CAMK2B: variants seen among roughly 807,000 people sequenced by gnomAD.
The protein encoded by CAMK2B is calcium/calmodulin-dependent protein kinase type II subunit beta.
In CAMK2B, 27 loss-of-function variants were observed where a neutral mutation model predicts 93.7. The observed-to-expected ratio is 0.29, with a 90% CI of 0.21 to 0.40. CAMK2B has a LOEUF of 0.40. Among genes scored for constraint, CAMK2B ranks in the 10% least tolerant of loss-of-function variants. The probability of loss-of-function intolerance (pLI) is 1.00; values close to 1 mark genes in which losing one functional copy is unlikely to be tolerated. For missense variants in CAMK2B, 568 were observed against 895.8 expected (o/e 0.63, Z 4.67); for synonymous variants, 374 against 358.8 (o/e 1.04, Z -0.48).
chr7:44,301,931 A>C lies in CAMK2B; in HGVS notation c.66-17706T>G, dbSNP rs138010919. 6.8e-4 allele frequency among the ~76,000 whole-genome samples: 103 copies of C among 152,354 alleles called. 1 individual carries two copies. Among genetic ancestry groups the C allele is most frequent in the African/African-American group, 2.3e-3 (96 of 41,590 alleles). ...AAATCAATGAATTGTGCAAACAAGAAACTGATACAGAAAATCAACAAAGCC... is the reference window on the plus strand; with the variant it reads ...AAATCAATGAATTGTGCAAACAAGACACTGATACAGAAAATCAACAAAGCC... On this transcript the variant is annotated intron_variant, in intron 1 of 23. Coordinates refer to ENST00000395749, the MANE Select transcript of CAMK2B (RefSeq NM_001220.5).
chr7:44,243,210 C>T (rs1462055099), intron 8 of CAMK2B, 40 bp downstream of exon 8: 1 of 1,498,962 alleles, frequency 6.7e-7, no homozygotes. Flanking sequence ...TCCTGAAACA[C>T]CCGAGGCCCT....
intron 6 of CAMK2B, among the ~76,000 whole-genome samples, chr7:44,246,575 C>T (rs918280926): frequency 1.3e-5 from 2 of 152,162 alleles, no homozygotes; most frequent in African/African-American, 2.4e-5. Context: ...TCCCCACACA[C>T]GTGCATGCAC....
chr7:44,277,118 CA>C (rs2097054086), intron 2 of CAMK2B, among the ~76,000 whole-genome samples: 1 of 151,542 alleles, frequency 6.6e-6, no homozygotes, highest in Non-Finnish European at 1.5e-5. Flanking sequence ...AAACTGTCCC[CA>C]AAAGAACAGC....
In CAMK2B at chr7:44,254,622, T is replaced by C. The variant is rs2129012338; in HGVS notation, c.276-15A>G. 6.2e-7 allele frequency: 1 copy of C among 1,603,638 alleles called. No individual in the cohort carries two copies. The highest frequency in any genetic ancestry group is 1.4e-5 in the African/African-American group (1 of 74,002). ...CACCAGTGACCCTATGGGAGAAGCA[T>C]GAAGGGGTCACAGATTCTGGAGACC... On this transcript the variant is annotated splice_polypyrimidine_tract_variant and intron_variant, in intron 4 of 23. Coordinates refer to ENST00000395749, the MANE Select transcript of CAMK2B (RefSeq NM_001220.5).
At chr7:44,278,249 C>T (rs926789927) in intron 2 of CAMK2B, among the ~76,000 whole-genome samples, 10 of 152,282 alleles carry the variant, frequency 6.6e-5, no homozygotes, top group African/African-American at 1.4e-4. Context: ...AGGGGTCCTC[C>T]GCAGCAGGAC....
intron 1 of CAMK2B, among the ~76,000 whole-genome samples, chr7:44,306,273 T>C (rs1179971962): frequency 2.0e-5 from 3 of 152,008 alleles, no homozygotes; most frequent in Non-Finnish European, 2.9e-5. Flanking sequence ...CGGTGGGAAG[T>C]TCCCCCTTCC....
intron 2 of CAMK2B, among the ~76,000 whole-genome samples, chr7:44,283,052 G>A (rs1182603855): frequency 6.6e-6 from 1 of 152,172 alleles, no homozygotes; most frequent in Admixed American, 6.5e-5. Flanking sequence ...GCAGTGACAT[G>A]GGGCTGCCAC....
In CAMK2B at chr7:44,311,135, G is replaced by A. The variant is rs562316661; in HGVS notation, c.65+14222C>T. Among the ~76,000 whole-genome samples, 105 of 152,054 alleles carry A rather than the reference G, an allele frequency of 6.9e-4. 2 individuals carry two copies. The highest frequency in any genetic ancestry group is 2.8e-4 in the Non-Finnish European group (19 of 68,026). On this transcript the variant is annotated intron_variant, in intron 1 of 23. Transcript: ENST00000395749. The surrounding 1 kb of genome is among the most constrained non-coding windows in gnomAD (Gnocchi z 4.2). ...ATTGCCCAGGCTGGAGTGCAATGGC[G>A]TGATCTCGGCTCACTGCAACCTCTG...
At chr7:44,305,738 T>C (rs934515249) in intron 1 of CAMK2B, among the ~76,000 whole-genome samples, 5 of 152,156 alleles carry the variant, frequency 3.3e-5, no homozygotes, top group Non-Finnish European at 5.9e-5. Flanking sequence ...GCGAGAGGCC[T>C]TGGGTGCCGT....
At chr7:44,274,446 C>A (rs936743699) in intron 2 of CAMK2B, among the ~76,000 whole-genome samples, 46 of 152,318 alleles carry the variant, frequency 3.0e-4, no homozygotes, top group African/African-American at 1.1e-3. Flanking sequence ...CAACAGAGAC[C>A]AAAGCTCTGC....
chr7:44,274,392 G>A (rs1244775868), intron 2 of CAMK2B, among the ~76,000 whole-genome samples: 1 of 152,176 alleles, frequency 6.6e-6, no homozygotes, highest in African/African-American at 2.4e-5. Flanking sequence ...CTTTGCCCTG[G>A]ATCTCCAGCT....
At chr7:44,310,474 C>T (rs979066805) in intron 1 of CAMK2B, among the ~76,000 whole-genome samples, 1 of 152,140 alleles carries the variant, frequency 6.6e-6, no homozygotes, top group Non-Finnish European at 1.5e-5. Context: ...ATGTCATGCG[C>T]GGTGGGAGGG....
At chr7:44,287,902 C>T (rs2129125573) in intron 1 of CAMK2B, among the ~76,000 whole-genome samples, 1 of 152,366 alleles carries the variant, frequency 6.6e-6, no homozygotes, top group Non-Finnish European at 1.5e-5. Flanking sequence ...ACTCCCCCTT[C>T]CAATGGCTCT....
At chr7:44,249,096 G>C (rs1006293413) in intron 5 of CAMK2B, among the ~76,000 whole-genome samples, 4 of 152,178 alleles carry the variant, frequency 2.6e-5, no homozygotes, top group Non-Finnish European at 4.4e-5. Flanking sequence ...TGTCCCTGAA[G>C]TCAGCCCATG....
intron 1 of CAMK2B, among the ~76,000 whole-genome samples, chr7:44,303,204 C>T (rs1015174775): frequency 1.3e-5 from 2 of 152,056 alleles, no homozygotes; most frequent in African/African-American, 4.8e-5. Context: ...AAAATATGTA[C>T]AAGATCTATA....
At chr7:44,321,330 G>A (rs1796029491) in intron 1 of CAMK2B, among the ~76,000 whole-genome samples, 1 of 152,180 alleles carries the variant, frequency 6.6e-6, no homozygotes, top group Non-Finnish European at 1.5e-5. Flanking sequence ...CACACCCCAG[G>A]ATATAGTCGC....
chr7:44,242,474 C>T (rs2096689612), intron 9 of CAMK2B, 86 bp downstream of exon 9: 1 of 1,502,732 alleles, frequency 6.7e-7, no homozygotes, highest in Non-Finnish European at 9.1e-7. Flanking sequence ...GGTGGCTTCA[C>T]CCCACTCCTA....
intron 1 of CAMK2B, 37 bp downstream of exon 1, chr7:44,325,320 G>T: frequency 8.5e-7 from 1 of 1,179,672 alleles, no homozygotes; most frequent in South Asian, 1.8e-5. Flanking sequence ...GGCCCTCTGG[G>T]GTCCCCGGCC....
In CAMK2B at chr7:44,271,237, C is replaced by T. The variant is rs1021643298; in HGVS notation, c.161-8173G>A. 1.3e-5 allele frequency among the ~76,000 whole-genome samples: 2 copies of T among 152,150 alleles called. No homozygotes were observed. On this transcript the variant is annotated intron_variant, in intron 2 of 23. Coordinates refer to ENST00000395749, the MANE Select transcript of CAMK2B (RefSeq NM_001220.5). This position sits in a 1 kb window ranked among gnomAD's most constrained non-coding sequence, Gnocchi z 4.2. The stretch of plus-strand genomic sequence containing the variant: ...TGGCCCTCTAGACTCTTAAACAGCT[C>T]GCCAACATCCACATCAAACACCAGC...
Sources: allele counts gnomAD v4.1 joint callset (sites outside exome capture counted in the v4.1 genomes callset), GRCh38; gene constraint gnomAD v4.1.1; non-coding constraint Gnocchi (gnomAD v3.1); transcripts MANE v1.5; gene names NCBI Gene and HGNC (gene_info 2026-07-23, HGNC 2026-07-21).